The following ZBTB16 variants were observed in gnomAD, a reference collection of about 807,000 sequenced individuals.
ZBTB16 encodes the protein zinc finger and BTB domain containing 16, also known as zinc finger and BTB domain-containing protein 16.
ZBTB16 carries 8 observed loss-of-function variants against 56.8 expected under a neutral mutation model. That is an observed-to-expected ratio of 0.14 (90% CI 0.08 to 0.25). The LOEUF is 0.25. ZBTB16 is among the 10% of genes least tolerant of loss of function. The pLI, the probability that ZBTB16 is intolerant of heterozygous loss-of-function variation, is 1.00. For synonymous variants in ZBTB16, 363 were observed against 368.5 expected, an observed-to-expected ratio of 0.98 and a Z score of 0.17; for missense variants, 625 against 903.0, an observed-to-expected ratio of 0.69 and a Z score of 3.95.
chr11:114,157,963 A>G (rs1200585520), intron 3 of ZBTB16, among the ~76,000 whole-genome samples: 1 of 151,712 alleles, frequency 6.6e-6, no homozygotes, highest in Non-Finnish European at 1.5e-5. Context: ...CCTAACTTCC[A>G]GGCATTTCTG....
chr11:114,240,399 TTCCCGA>T (rs1325237961), intron 4 of ZBTB16, among the ~76,000 whole-genome samples: 3 of 152,106 alleles, frequency 2.0e-5, no homozygotes, highest in African/African-American at 7.2e-5. Flanking sequence ...CACCAGACAC[TTCCCGA>T]TTCCATGCTG....
At chr11:114,169,270 C>T (rs1942886190) in intron 3 of ZBTB16, among the ~76,000 whole-genome samples, 1 of 152,180 alleles carries the variant, frequency 6.6e-6, no homozygotes, top group Non-Finnish European at 1.5e-5. Context: ...CCTTAGACTT[C>T]AAGCGTCTTG....
chr11:114,105,016 GC>G lies in ZBTB16; in HGVS notation c.1268+40450del, dbSNP rs1940739300. The stretch of plus-strand genomic sequence containing the variant: ...GAGCAGGCCAGCTACTTAACCCCTC[GC>G]CACCCACTCACCTGTGGAAGGCACA... On this transcript the variant is annotated intron_variant, in intron 2 of 6. Transcript: ENST00000335953. Among the ~76,000 whole-genome samples the G allele has an allele frequency of 4.6e-5, 7 of 152,156 alleles. No homozygotes were observed. In the South Asian group the frequency reaches 1.5e-3, roughly 32 times the overall value.
chr11:114,095,245 C>CTTTTCTTTTCTTTTCTTTTTTTT (rs1555132749), intron 2 of ZBTB16, among the ~76,000 whole-genome samples: 7 of 90,458 alleles, frequency 7.7e-5, no homozygotes, highest in African/African-American at 1.2e-4. Context: ...CTTTTCTTTT[C>CTTTTCTTTTCTTTTCTTTTTTTT]TTTTTTTTTT....
intron 4 of ZBTB16, among the ~76,000 whole-genome samples, chr11:114,232,933 C>G (rs1056815341): frequency 2.0e-5 from 3 of 152,136 alleles, no homozygotes; most frequent in African/African-American, 7.2e-5. Flanking sequence ...TGCTTAAGGC[C>G]TTGGACCCCG....
chr11:114,097,213 G>A (rs1940449459), intron 2 of ZBTB16, among the ~76,000 whole-genome samples: 1 of 152,192 alleles, frequency 6.6e-6, no homozygotes, highest in South Asian at 2.1e-4. Context: ...GACAGATAGT[G>A]TATGGTGCCA....
At chr11:114,095,820 G>A (rs1474944899) in intron 2 of ZBTB16, among the ~76,000 whole-genome samples, 1 of 152,164 alleles carries the variant, frequency 6.6e-6, no homozygotes, top group Non-Finnish European at 1.5e-5. Flanking sequence ...ACCAGGCTCT[G>A]AGAATAATTT....
At chr11:114,107,272 G>A (rs1483962112) in intron 2 of ZBTB16, among the ~76,000 whole-genome samples, 1 of 152,156 alleles carries the variant, frequency 6.6e-6, no homozygotes, top group East Asian at 1.9e-4. Flanking sequence ...CTGCCTTGAA[G>A]CCTGCTTGTG....
At chr11:114,194,555 AC>A (rs1397444246) in intron 4 of ZBTB16, among the ~76,000 whole-genome samples, 1 of 152,124 alleles carries the variant, frequency 6.6e-6, no homozygotes, top group Admixed American at 6.6e-5. Context: ...ATCATTTTAC[AC>A]CTTTTATATT....
intron 2 of ZBTB16, among the ~76,000 whole-genome samples, chr11:114,109,700 G>A (rs1276891281): frequency 6.6e-6 from 1 of 151,774 alleles, no homozygotes; most frequent in Non-Finnish European, 1.5e-5. Flanking sequence ...TTGGGGGAGG[G>A]GAGAGATTTA....
chr11:114,166,809 T>G (rs1942770137), intron 3 of ZBTB16, among the ~76,000 whole-genome samples: 1 of 152,190 alleles, frequency 6.6e-6, no homozygotes, highest in African/African-American at 2.4e-5. Context: ...ACCTTTTCAT[T>G]TTAAAAATAG....
intron 2 of ZBTB16, among the ~76,000 whole-genome samples, chr11:114,085,885 G>A (rs939566415): frequency 1.1e-4 from 17 of 152,156 alleles, no homozygotes; most frequent in African/African-American, 3.9e-4. Flanking sequence ...TTTGTAAGGC[G>A]CACTTGATAG....
chr11:114,206,795 T>C (rs757511953), intron 4 of ZBTB16, among the ~76,000 whole-genome samples: 8 of 152,232 alleles, frequency 5.3e-5, no homozygotes, highest in Non-Finnish European at 1.2e-4. Context: ...GTGATGTTTT[T>C]AGGTTCCCCA....
At chr11:114,188,816 A>G (rs1326161723) in intron 4 of ZBTB16, 2 of 152,254 alleles carry the variant, frequency 1.3e-5, no homozygotes, top group Non-Finnish European at 2.9e-5. Context: ...ATAGGGAGAA[A>G]AGAAATATTG....
At chr11:114,190,754 CACACAT>C (rs147117489) in intron 4 of ZBTB16, among the ~76,000 whole-genome samples, 18,528 of 151,710 alleles carry the variant, frequency 0.12, 1,424 homozygotes, top group East Asian at 0.21. Context: ...CACACACACA[CACACAT>C]ATATATACAC....
chr11:114,059,979 G>A lies in ZBTB16; in HGVS notation c.-91+97G>A, dbSNP rs1938755455. The A allele has an allele frequency of 5.1e-6, 2 of 393,644 alleles. No individual in the cohort carries two copies. The highest frequency in any genetic ancestry group is 9.0e-6 in the Non-Finnish European group (2 of 223,274). 24.4% of individuals were successfully genotyped at this position (393,644 alleles called of 1,614,324 possible). A position where few individuals can be genotyped will look rare whatever the true frequency, so the allele number is the denominator to read the frequency against. On this transcript the variant is annotated intron_variant, in intron 1 of 6. Coordinates refer to ENST00000335953, the MANE Select transcript of ZBTB16 (RefSeq NM_006006.6). This position sits in a 1 kb window ranked among gnomAD's most constrained non-coding sequence, Gnocchi z 5.3. The stretch of plus-strand genomic sequence containing the variant: ...GGTCTGGGGGGCGCGCGCTCGCTTC[G>A]GCCACTCGGCCGCTGGGCTTGTGCC...
At chr11:114,218,042 A>G (rs1215749511) in intron 4 of ZBTB16, among the ~76,000 whole-genome samples, 1 of 151,932 alleles carries the variant, frequency 6.6e-6, no homozygotes, top group Admixed American at 6.5e-5. Context: ...GGGGTAGGAG[A>G]GAAGAGGCTG....
intron 2 of ZBTB16, among the ~76,000 whole-genome samples, chr11:114,144,487 G>A (rs1942046601): frequency 6.6e-6 from 1 of 152,180 alleles, no homozygotes; most frequent in South Asian, 2.1e-4. Context: ...CAAGGAGTCT[G>A]TGTAGAAAGG....
At chr11:114,123,651 C>T (rs1941405985) in intron 2 of ZBTB16, among the ~76,000 whole-genome samples, 1 of 152,136 alleles carries the variant, frequency 6.6e-6, no homozygotes, top group Admixed American at 6.5e-5. Flanking sequence ...TCAGTTTACA[C>T]ATGGTATTTG....
Sources: allele counts gnomAD v4.1 joint callset (sites outside exome capture counted in the v4.1 genomes callset), GRCh38; gene constraint gnomAD v4.1.1; non-coding constraint Gnocchi (gnomAD v3.1); transcripts MANE v1.5; gene names NCBI Gene and HGNC (gene_info 2026-07-23, HGNC 2026-07-21).